PTPRT: variants seen among roughly 807,000 people sequenced by gnomAD.
The protein encoded by PTPRT is protein tyrosine phosphatase receptor type T.
Under a neutral mutation model 176.8 loss-of-function variants are expected in PTPRT, and 56 were observed. That is an observed-to-expected ratio of 0.32 (90% CI 0.26 to 0.40). The LOEUF (loss-of-function observed/expected upper bound fraction) is 0.40. Ranked by LOEUF, PTPRT falls within the 10% of genes least tolerant of loss-of-function variation. The probability of loss-of-function intolerance (pLI) is 1.00; values close to 1 mark genes in which losing one functional copy is unlikely to be tolerated. For missense variants in PTPRT, 1,540 were observed against 1,908.2 expected, an observed-to-expected ratio of 0.81 and a Z score of 3.60; for synonymous variants, 783 against 739.0, an observed-to-expected ratio of 1.06 and a Z score of -0.96.
chr20:42,228,658 G>T (rs1231436509), intron 15 of PTPRT, among the ~76,000 whole-genome samples: 1 of 152,164 alleles, frequency 6.6e-6, no homozygotes, highest in African/African-American at 2.4e-5. Flanking sequence ...AACTTCTAGA[G>T]AATAGAATAA....
chr20:42,833,892 C>A (rs750095403), intron 2 of PTPRT, among the ~76,000 whole-genome samples: 4 of 152,094 alleles, frequency 2.6e-5, no homozygotes, highest in Non-Finnish European at 5.9e-5. Flanking sequence ...GGAACATAAA[C>A]CTAAATGTAA....
At chr20:42,636,009 G>C (rs1452807461) in intron 7 of PTPRT, among the ~76,000 whole-genome samples, 1 of 152,140 alleles carries the variant, frequency 6.6e-6, no homozygotes, top group Non-Finnish European at 1.5e-5. Flanking sequence ...AAGTCACCGA[G>C]TTAATGCTGA....
chr20:42,477,720 A>G (rs1364044843), intron 7 of PTPRT, among the ~76,000 whole-genome samples: 2 of 152,170 alleles, frequency 1.3e-5, no homozygotes, highest in East Asian at 3.9e-4. Flanking sequence ...GACCTTCTTG[A>G]GTAATAGCCC....
At chr20:42,366,433 C>T (rs950164887) in intron 9 of PTPRT, among the ~76,000 whole-genome samples, 1 of 152,224 alleles carries the variant, frequency 6.6e-6, no homozygotes, top group Non-Finnish European at 1.5e-5. Context: ...ACTTGCTTCG[C>T]TTCCCATCTC....
intron 26 of PTPRT, 49 bp from the exon 27 acceptor site, chr20:42,098,601 T>C (rs777201722): frequency 1.2e-6 from 2 of 1,608,616 alleles, no homozygotes; most frequent in African/African-American, 2.7e-5. Context: ...CCATCAGTGA[T>C]ATTCTGATGA....
At chr20:42,733,961 T>G (rs1569120137) in intron 6 of PTPRT, among the ~76,000 whole-genome samples, 1 of 152,158 alleles carries the variant, frequency 6.6e-6, no homozygotes, top group Non-Finnish European at 1.5e-5. Context: ...TATGGTCAGC[T>G]CAGGCAAAGG....
At chr20:42,507,227 G>A (rs2071863209) in intron 7 of PTPRT, among the ~76,000 whole-genome samples, 1 of 152,142 alleles carries the variant, frequency 6.6e-6, no homozygotes, top group South Asian at 2.1e-4. Flanking sequence ...GAGAAATCAG[G>A]CTTCCAAATC....
chr20:43,090,385 A>T (rs1044518801), intron 1 of PTPRT, among the ~76,000 whole-genome samples: 3 of 151,610 alleles, frequency 2.0e-5, no homozygotes, highest in African/African-American at 7.3e-5. Flanking sequence ...CTCCTGCCTC[A>T]GCCTCCTGAG....
At chr20:42,520,013 A>T (rs1200780574) in intron 7 of PTPRT, among the ~76,000 whole-genome samples, 1 of 151,684 alleles carries the variant, frequency 6.6e-6, no homozygotes, top group Non-Finnish European at 1.5e-5. Flanking sequence ...TTTCATAATA[A>T]TTTTTTTTGC....
intron 4 of PTPRT, among the ~76,000 whole-genome samples, chr20:42,774,055 A>T (rs2077099503): frequency 6.6e-6 from 1 of 152,130 alleles, no homozygotes; most frequent in African/African-American, 2.4e-5. Flanking sequence ...TTCTAGGTTC[A>T]GTGGTAGAGA....
intron 1 of PTPRT, among the ~76,000 whole-genome samples, chr20:43,079,889 T>C (rs899033597): frequency 6.6e-6 from 1 of 152,226 alleles, no homozygotes; most frequent in African/African-American, 2.4e-5. Context: ...TTTAGAGTAG[T>C]AGCAATCATC....
chr20:42,817,221 A>G (rs1431991629), intron 2 of PTPRT, among the ~76,000 whole-genome samples: 1 of 152,252 alleles, frequency 6.6e-6, no homozygotes, highest in Non-Finnish European at 1.5e-5. Context: ...CTACTTACAC[A>G]TGTAGAAATA....
At chr20:42,581,530 TAAA>T (rs11468207) in intron 7 of PTPRT, among the ~76,000 whole-genome samples, 1,621 of 133,638 alleles carry the variant, frequency 0.012, 11 homozygotes, top group South Asian at 0.029. Context: ...GGTGGCTGCA[TAAA>T]AAAAAAAAAA....
intron 7 of PTPRT, among the ~76,000 whole-genome samples, chr20:42,614,932 T>G (rs2074041651): frequency 7.0e-6 from 1 of 143,610 alleles, no homozygotes; most frequent in South Asian, 2.2e-4. Flanking sequence ...CTTTTTTTTT[T>G]TTCTATTTTT....
intron 9 of PTPRT, among the ~76,000 whole-genome samples, chr20:42,382,621 G>T (rs1431706288): frequency 1.3e-5 from 2 of 152,096 alleles, no homozygotes; most frequent in Non-Finnish European, 2.9e-5. Flanking sequence ...GGAGAAGGGG[G>T]ACAAAGCAGA....
In PTPRT at chr20:42,084,371, A is replaced by C. The variant is rs138953153; in HGVS notation, c.4136+311T>G. Among the ~76,000 whole-genome samples the C allele has an allele frequency of 1.1e-3, 169 of 152,302 alleles. 1 individual carries two copies. Among genetic ancestry groups the C allele is most frequent in the African/African-American group, 3.8e-3 (158 of 41,562 alleles). On this transcript the variant is annotated intron_variant, in intron 29 of 30. Transcript: ENST00000373187. ...CCCCTGAGGGCAGTGCCTTTCCCTCATGCTCTTTTTGTCCTATGATCCCTT... is the reference window on the plus strand; with the variant it reads ...CCCCTGAGGGCAGTGCCTTTCCCTCCTGCTCTTTTTGTCCTATGATCCCTT...
chr20:42,348,753 G>A (rs2145505085), intron 11 of PTPRT, among the ~76,000 whole-genome samples: 1 of 152,234 alleles, frequency 6.6e-6, no homozygotes, highest in Admixed American at 6.5e-5. Flanking sequence ...AAACACGAAT[G>A]GCTATGAGGG....
chr20:42,094,967 G>T (rs1160133001), intron 27 of PTPRT, among the ~76,000 whole-genome samples: 4 of 152,282 alleles, frequency 2.6e-5, no homozygotes, highest in Admixed American at 2.0e-4. Flanking sequence ...CTGACCTCAA[G>T]TGATCCTGCT....
intron 15 of PTPRT, among the ~76,000 whole-genome samples, chr20:42,216,218 T>C (rs2146764573): frequency 6.6e-6 from 1 of 152,112 alleles, no homozygotes; most frequent in Middle Eastern, 3.4e-3. Flanking sequence ...GACCCCATCT[T>C]AGACCTTCAG....
Sources: gnomAD v4.1 joint callset for allele counts (sites outside exome capture counted in the v4.1 genomes callset) on GRCh38, gnomAD v4.1.1 for gene constraint, MANE v1.5 for transcripts, NCBI Gene and HGNC (gene_info 2026-07-23, HGNC 2026-07-21) for gene names.